RICTOR: variants seen among roughly 807,000 people sequenced by gnomAD.
The protein encoded by RICTOR is RPTOR independent companion of MTOR complex 2, also known as rapamycin-insensitive companion of mTOR.
RICTOR carries 49 observed loss-of-function variants against 214.9 expected under a neutral mutation model. That is an observed-to-expected ratio of 0.23 (90% CI 0.18 to 0.29). The LOEUF is 0.29. Ranked by LOEUF, RICTOR falls within the 10% of genes least tolerant of loss-of-function variation. The probability of loss-of-function intolerance (pLI) is 1.00; values close to 1 mark genes in which losing one functional copy is unlikely to be tolerated. For synonymous variants in RICTOR, 717 were observed against 711.3 expected, an observed-to-expected ratio of 1.01 and a Z score of -0.13; for missense variants, 1,625 against 2,047.0, an observed-to-expected ratio of 0.79 and a Z score of 3.98.
chr5:39,003,755 A>T (rs1355668604), intron 3 of RICTOR, 133 bp from the exon 4 acceptor site: 9 of 507,114 alleles, frequency 1.8e-5, no homozygotes, highest in Non-Finnish European at 1.0e-5. Context: ...TTTACTGTTC[A>T]AATCAGCAGC....
At chr5:39,021,171 T>G (rs1382587768) in intron 2 of RICTOR, 35 bp from the exon 3 acceptor site, 10 of 1,126,876 alleles carry the variant, frequency 8.9e-6, no homozygotes, top group Non-Finnish European at 1.4e-5. Context: ...AACACAATTT[T>G]ATGAGTATTT....
chr5:39,009,588 T>C (rs1754334617), intron 3 of RICTOR, among the ~76,000 whole-genome samples: 1 of 152,080 alleles, frequency 6.6e-6, no homozygotes, highest in African/African-American at 2.4e-5. Context: ...GTAAATGGAA[T>C]TCAATAATGG....
At chr5:39,071,733 C>T (rs544034131) in intron 2 of RICTOR, among the ~76,000 whole-genome samples, 2 of 152,306 alleles carry the variant, frequency 1.3e-5, no homozygotes, top group East Asian at 3.9e-4. Context: ...TTAGGGATTA[C>T]AATGACCATG....
chr5:39,026,283 C>T (rs1755817211), intron 2 of RICTOR, among the ~76,000 whole-genome samples: 1 of 152,046 alleles, frequency 6.6e-6, no homozygotes, highest in Admixed American at 6.6e-5. Context: ...GTTAAGGCTG[C>T]AGTGGGCAGT....
At chr5:38,953,661 T>C in intron 27 of RICTOR, 108 bp from the exon 28 acceptor site, 2 of 374,276 alleles carry the variant, frequency 5.3e-6, no homozygotes, top group Non-Finnish European at 9.6e-6. Context: ...CATTTTTGCA[T>C]ATTTAAATTC....
rs1304761708 is a variant in RICTOR, at chr5:38,994,451, A to AAAAAAAAAAAAAAAG, written c.456+2367_456+2368insCTTTTTTTTTTTTTT. Among the ~76,000 whole-genome samples, 230 of 101,542 alleles carry AAAAAAAAAAAAAAAG rather than the reference A, an allele frequency of 2.3e-3. 54 individuals carry two copies. Among genetic ancestry groups the AAAAAAAAAAAAAAAG allele is most frequent in the East Asian group, 3.1e-3 (11 of 3,494 alleles). The allele number at this position is 101,542 out of a possible 152,430, so 66.6% of individuals were successfully genotyped here. Reference sequence around the variant, plus strand: ...AAAAAAAAAAAAAAAAAAAAAAAAAAAGTGCTTCAGATGCCAAAAGCACTA... The same window carrying AAAAAAAAAAAAAAAG: ...AAAAAAAAAAAAAAAAAAAAAAAAAAAAAAAAAAAAAAAAGAGTGCTTCAGATGCCAAAAGCACTA... On this transcript the variant is annotated intron_variant, in intron 6 of 37. Transcript: ENST00000357387.
intron 19 of RICTOR, 84 bp from the exon 20 acceptor site, chr5:38,960,617 G>A: frequency 7.3e-7 from 1 of 1,371,538 alleles, no homozygotes; most frequent in Non-Finnish European, 1.0e-6. Flanking sequence ...ACATAATAAG[G>A]CTTTCAGAAT....
At chr5:38,975,671 C>CTACTAAATCACAA (rs1308802328) in intron 9 of RICTOR, 67 bp from the exon 10 acceptor site, 1 of 1,147,870 alleles carries the variant, frequency 8.7e-7, no homozygotes, top group Non-Finnish European at 1.3e-6. Flanking sequence ...TTTTTTCCTG[C>CTACTAAATCACAA]TACTAAATCA....
At chr5:39,021,557 A>C (rs2150136528) in intron 2 of RICTOR, among the ~76,000 whole-genome samples, 1 of 152,196 alleles carries the variant, frequency 6.6e-6, no homozygotes, top group African/African-American at 2.4e-5. Flanking sequence ...AGTTTGTTAT[A>C]AAAGCTTTTG....
rs766573369 is a variant in RICTOR, at chr5:38,955,750, C to T, written c.2500-46G>A. ...AATTGCACATAGTATCACAATGAGT[C>T]ACTAAATTTAAAATATGTCAGATAC... On this transcript the variant is annotated intron_variant, in intron 25 of 37. Coordinates refer to ENST00000357387, the MANE Select transcript of RICTOR (RefSeq NM_152756.5). The T allele has an allele frequency of 2.0e-5, 21 of 1,037,586 alleles. No individual in the cohort carries two copies. In the South Asian group the frequency reaches 2.5e-4, roughly 13 times the overall value. 64.3% of individuals were successfully genotyped at this position (1,037,586 alleles called of 1,614,324 possible). A position where few individuals can be genotyped will look rare whatever the true frequency, so the allele number is the denominator to read the frequency against.
In RICTOR at chr5:38,966,692, A is replaced by C; in HGVS notation, c.1248T>G (p.Asp416Glu). 1 of 1,596,148 alleles carries C rather than the reference A, an allele frequency of 6.3e-7. No individual in the cohort carries two copies. Among genetic ancestry groups the C allele is most frequent in the Non-Finnish European group, 8.6e-7 (1 of 1,165,978 alleles). Residue 416 changes from aspartate (D) to glutamate (E), a missense_variant, in exon 15 of 38, where the codon GAT (aspartate) becomes GAG (glutamate). Around this residue, in one of 5 missense-constraint regions of RICTOR, gnomAD observed 1,214 missense variants for 1,470.5 expected, o/e 0.83. Coordinates refer to ENST00000357387, the MANE Select transcript of RICTOR (RefSeq NM_152756.5). The part of the protein sequence containing the change: ...EGLVEVITNS[D>E]DHISVRATIL... ...TGGTAGCTCTAACTGAGATATGATC[A>C]TCACTGTTTGTTATCACTTCAACTA...
intron 2 of RICTOR, among the ~76,000 whole-genome samples, chr5:39,052,367 C>T (rs1757913352): frequency 6.6e-6 from 1 of 152,096 alleles, no homozygotes; most frequent in Admixed American, 6.5e-5. Flanking sequence ...CAGAATGAAC[C>T]AACACTCTAC....
At chr5:39,020,150 G>A (rs1755291024) in intron 3 of RICTOR, among the ~76,000 whole-genome samples, 2 of 152,134 alleles carry the variant, frequency 1.3e-5, no homozygotes, top group Admixed American at 1.3e-4. Flanking sequence ...CAAAAACGGG[G>A]TTTCATGAAA....
At chr5:38,958,581 A>G in intron 23 of RICTOR, 62 bp from the exon 24 acceptor site, 1 of 1,531,400 alleles carries the variant, frequency 6.5e-7, no homozygotes. Flanking sequence ...TTTAGTTCCA[A>G]AATGCCTATT....
intron 2 of RICTOR, among the ~76,000 whole-genome samples, chr5:39,055,956 A>G (rs1369298117): frequency 2.0e-5 from 3 of 152,364 alleles, no homozygotes; most frequent in Admixed American, 6.5e-5. Flanking sequence ...GATATGTGGA[A>G]TAAGGACAAG....
At chr5:38,984,581 C>T (rs1707453616) in intron 7 of RICTOR, among the ~76,000 whole-genome samples, 2 of 152,128 alleles carry the variant, frequency 1.3e-5, no homozygotes, top group African/African-American at 4.8e-5. Context: ...TCCCTAATCA[C>T]AGTTCTGACT....
intron 21 of RICTOR, 113 bp from the exon 22 acceptor site, chr5:38,959,434 A>G (rs1749595979): frequency 1.5e-6 from 1 of 675,060 alleles, no homozygotes; most frequent in Non-Finnish European, 2.4e-6. Flanking sequence ...TAAAAATTGT[A>G]TTATTCAAAG....
intron 32 of RICTOR, 83 bp from the exon 33 acceptor site, chr5:38,946,635 A>T: frequency 1.2e-6 from 1 of 833,900 alleles, no homozygotes; most frequent in South Asian, 1.5e-5. Context: ...AACAAAATAA[A>T]ATTAAAATAG....
intron 2 of RICTOR, among the ~76,000 whole-genome samples, chr5:39,064,018 C>T (rs1343087866): frequency 6.6e-6 from 1 of 151,982 alleles, no homozygotes; most frequent in Non-Finnish European, 1.5e-5. Context: ...GCTCAGTTTA[C>T]GCAATCTGGC....
Sources: gnomAD v4.1 joint callset for allele counts (sites outside exome capture counted in the v4.1 genomes callset) on GRCh38, gnomAD v4.1.1 for gene constraint, gnomAD v4.1.1 regional missense constraint, MANE v1.5 for transcripts, NCBI Gene and HGNC (gene_info 2026-07-23, HGNC 2026-07-21) for gene names.